SAMD10: variants seen among roughly 807,000 people sequenced by gnomAD.
The protein encoded by SAMD10 is sterile alpha motif domain-containing protein 10.
In SAMD10, 16 loss-of-function variants were observed where a neutral mutation model predicts 22.5. That is an observed-to-expected ratio of 0.71 (90% CI 0.48 to 1.08). The LOEUF is 1.08. Among genes scored for constraint, SAMD10 ranks in the 50% least tolerant of loss-of-function variants. SAMD10 has a pLI of 0.00. For synonymous variants in SAMD10, 118 were observed against 122.2 expected (o/e 0.97, Z 0.23); for missense variants, 227 against 281.3 (o/e 0.81, Z 1.38).
chr20:63,978,900 C>T (rs1243496736), intron 1 of SAMD10, among the ~76,000 whole-genome samples: 2 of 152,190 alleles, frequency 1.3e-5, no homozygotes, highest in African/African-American at 4.8e-5. Context: ...CGGCACCTGC[C>T]CCGGCCAAGC....
In SAMD10 at chr20:63,977,085, G is replaced by A; in HGVS notation, c.331C>T (p.Leu111=). 6.2e-7 allele frequency: 1 copy of A among 1,614,152 alleles called. No individual in the cohort carries two copies. Among genetic ancestry groups the A allele is most frequent in the Non-Finnish European group, 8.5e-7 (1 of 1,180,028 alleles). Residue 111 remains leucine, a synonymous_variant, in exon 3 of 5, where the codon CTG becomes TTG. Transcript: ENST00000369886. This position sits in a 1 kb window ranked among gnomAD's most constrained non-coding sequence, Gnocchi z 5.4. ...LYHTSPSLGG[L]TRPVVLWSQQ... ...CTCCACAGGACCACGGGCCGGGTCAGGCCACCCAGCGAGGGGCTTGTATGG... is the reference window on the plus strand; with the variant it reads ...CTCCACAGGACCACGGGCCGGGTCAAGCCACCCAGCGAGGGGCTTGTATGG...
At chr20:63,975,882 G>A (rs1195342824) in intron 3 of SAMD10, 50 bp from the exon 4 acceptor site, 2 of 1,496,574 alleles carry the variant, frequency 1.3e-6, no homozygotes, top group African/African-American at 1.4e-5. Flanking sequence ...GGCATCAAGA[G>A]CCAAGGCAAG....
In SAMD10 at chr20:63,975,224, C is replaced by G. The variant is rs1370894832; in HGVS notation, c.*286G>C. ...CCAAACCGGTTCTGGCTCCAGGCAG[C>G]TGCCCCACATGCTGCCAGCTGCACC... is the stretch of plus-strand genomic sequence containing the variant. On this transcript the variant is annotated 3_prime_UTR_variant, in exon 5 of 5. Transcript: ENST00000369886. The G allele has an allele frequency of 2.0e-6, 1 of 505,000 alleles. No individual in the cohort carries two copies. Among genetic ancestry groups the G allele is most frequent in the Admixed American group, 4.0e-5 (1 of 25,126 alleles). The allele number at this position is 505,000 out of a possible 1,614,324, so 31.3% of individuals were successfully genotyped here. A position where few individuals can be genotyped will look rare whatever the true frequency, so the allele number is the denominator to read the frequency against.
intron 3 of SAMD10, among the ~76,000 whole-genome samples, chr20:63,976,101 A>G (rs2059020401): frequency 1.3e-5 from 2 of 152,280 alleles, no homozygotes; most frequent in Admixed American, 1.3e-4. Flanking sequence ...TGAACCTGGG[A>G]GGTGGAGGTT....
At chr20:63,978,949 T>C (rs2059043417) in intron 1 of SAMD10, among the ~76,000 whole-genome samples, 1 of 151,988 alleles carries the variant, frequency 6.6e-6, no homozygotes, top group Non-Finnish European at 1.5e-5. Context: ...CCGGAGGGAG[T>C]TCCGTCCGTC....
chr20:63,975,581 T>A (rs1228616800), intron 4 of SAMD10, 49 bp from the exon 5 acceptor site: 13 of 1,590,292 alleles, frequency 8.2e-6, no homozygotes, highest in Non-Finnish European at 8.5e-7. Context: ...TGGCATCATC[T>A]GCATTAGGGC....
Position 63,977,484 on chromosome 20 carries a change from CCCATCT to C in SAMD10, c.92-84_92-79del, listed in dbSNP as rs2059033187. ...CTCTACTTGAGAGCTAGCTCCCTGC[CCCATCT>C]CCTCCACACTAGTGCGGGAAATCAC... On this transcript the variant is annotated intron_variant, in intron 1 of 4. Transcript: ENST00000369886. The surrounding 1 kb of genome is among the most constrained non-coding windows in gnomAD (Gnocchi z 5.4). 3 of 1,416,122 alleles carry C rather than the reference CCCATCT, an allele frequency of 2.1e-6. No homozygotes were observed. The highest frequency in any genetic ancestry group is 2.9e-6 in the Non-Finnish European group (3 of 1,025,172). 87.7% of individuals were successfully genotyped at this position (1,416,122 alleles called of 1,614,324 possible).
rs2059034277 is a variant in SAMD10, at chr20:63,977,607, C to G, written c.92-201G>C. ...CTCACCCAGCACAAAAAGAGAAGAA[C>G]TGGAAACACCTTTCATCTTGCAAGT... On this transcript the variant is annotated intron_variant, in intron 1 of 4. Transcript: ENST00000369886. The surrounding 1 kb of genome is among the most constrained non-coding windows in gnomAD (Gnocchi z 5.4). Among the ~76,000 whole-genome samples, 1 of 152,240 alleles carries G rather than the reference C, an allele frequency of 6.6e-6. No individual in the cohort carries two copies. Among genetic ancestry groups the G allele is most frequent in the Non-Finnish European group, 1.5e-5 (1 of 68,044 alleles).
Position 63,976,970 on chromosome 20 carries a change from C to T in SAMD10, c.445+1G>A. 1 of 1,613,976 alleles carries T rather than the reference C, an allele frequency of 6.2e-7. No individual in the cohort carries two copies. The highest frequency in any genetic ancestry group is 8.5e-7 in the Non-Finnish European group (1 of 1,179,946). On this transcript the variant is annotated splice_donor_variant, in intron 3 of 4. Transcript: ENST00000369886. LOFTEE classifies it high-confidence loss of function. ...CCACAGCACCCTCAGCGCCACTGTA[C>T]CGGTGATGGCATGCTGGGAGAAGGC... is the stretch of plus-strand genomic sequence containing the variant.
At chr20:63,978,718 TGG>T (rs764987209) in intron 1 of SAMD10, among the ~76,000 whole-genome samples, 3 of 152,212 alleles carry the variant, frequency 2.0e-5, no homozygotes, top group Non-Finnish European at 2.9e-5. Flanking sequence ...GTGTGCTCAG[TGG>T]GCCACCGCCC....
rs2059045566 is a variant in SAMD10, at chr20:63,979,201, C to T, written c.91+176G>A. Among the ~76,000 whole-genome samples, 1 of 152,076 alleles carries T rather than the reference C, an allele frequency of 6.6e-6. No individual in the cohort carries two copies. Among genetic ancestry groups the T allele is most frequent in the African/African-American group, 2.4e-5 (1 of 41,430 alleles). ...GCGCGCTGACCCCCAAGGCCTGAGG[C>T]TGGCTGCCCCCTAAAGCAGGACAAA... On this transcript the variant is annotated intron_variant, in intron 1 of 4. Coordinates refer to ENST00000369886, the MANE Select transcript of SAMD10 (RefSeq NM_080621.5). This position sits in a 1 kb window ranked among gnomAD's most constrained non-coding sequence, Gnocchi z 7.7.
At chr20:63,979,697 C>T, upstream of SAMD10, 1 of 985,224 alleles carries the variant, frequency 1.0e-6, no homozygotes. This position sits in a 1 kb window ranked among gnomAD's most constrained non-coding sequence, Gnocchi z 7.7. Context: ...GGCCTGCGTG[C>T]ACCAAGGCTG....
chr20:63,979,322 G>A lies in SAMD10; in HGVS notation c.91+55C>T. 7.6e-7 allele frequency: 1 copy of A among 1,320,884 alleles called. No individual in the cohort carries two copies. Among genetic ancestry groups the A allele is most frequent in the South Asian group, 1.5e-5 (1 of 68,792 alleles). 81.8% of individuals were successfully genotyped at this position (1,320,884 alleles called of 1,614,324 possible). A position where few individuals can be genotyped will look rare whatever the true frequency, so the allele number is the denominator to read the frequency against. On this transcript the variant is annotated intron_variant, in intron 1 of 4. Transcript: ENST00000369886. This position sits in a 1 kb window ranked among gnomAD's most constrained non-coding sequence, Gnocchi z 7.7. ...GTCCCGCCCCGCCCCCGTGCCTCTG[G>A]GTCCCTGAGACCCCCGCCCGAGAAA...
intron 1 of SAMD10, chr20:63,978,117 G>T: frequency 2.6e-6 from 1 of 390,120 alleles, no homozygotes; most frequent in Admixed American, 3.1e-5. Context: ...GGGCGGGTCA[G>T]CACAGGTATG....
At position 63,975,392 on chromosome 20, in the gene SAMD10, G is replaced by T; in HGVS notation, c.*118C>A. 3.0e-6 allele frequency: 4 copies of T among 1,318,660 alleles called. No individual in the cohort carries two copies. In the South Asian group the frequency reaches 3.7e-5, roughly 12 times the overall value. The allele number at this position is 1,318,660 out of a possible 1,614,324, so 81.7% of individuals were successfully genotyped here. ...CTGGTCCTGTCTGTCCGTTGGGCCA[G>T]CCTGGCCGCCCCGGCATCCCGCAGG... On this transcript the variant is annotated 3_prime_UTR_variant, in exon 5 of 5. Transcript: ENST00000369886.
At chr20:63,976,764 CAAAAAAAAAAAAAAAA>C (rs60461303) in intron 3 of SAMD10, among the ~76,000 whole-genome samples, 191 bp downstream of exon 3, 2 of 63,896 alleles carry the variant, frequency 3.1e-5, no homozygotes, top group Non-Finnish European at 5.3e-5. Flanking sequence ...TCTGTCTCAC[CAAAAAAAAAAAAAAAA>C]AAAAAAAAAA....
rs1179214958 is a variant in SAMD10 at position 63,977,856 on chromosome 20, C to T, written c.92-450G>A. 6.6e-6 allele frequency among the ~76,000 whole-genome samples: 1 copy of T among 152,258 alleles called. No homozygotes were observed. Among genetic ancestry groups the T allele is most frequent in the Non-Finnish European group, 1.5e-5 (1 of 68,040 alleles). ...CAGATCCCGAGTCCGGGGAGGTCGT[C>T]TGTGCTGGGGAAACCGGGCTGAGGA... On this transcript the variant is annotated intron_variant, in intron 1 of 4. Coordinates refer to ENST00000369886, the MANE Select transcript of SAMD10 (RefSeq NM_080621.5). The surrounding 1 kb of genome is among the most constrained non-coding windows in gnomAD (Gnocchi z 5.4).
At position 63,977,561 on chromosome 20, in the gene SAMD10, TG is replaced by T. The variant is rs1377135173; in HGVS notation, c.92-156del. Among the ~76,000 whole-genome samples the T allele has an allele frequency of 6.6e-6, 1 of 152,144 alleles. No individual in the cohort carries two copies. The highest frequency in any genetic ancestry group is 2.4e-5 in the African/African-American group (1 of 41,428). ...AAGCCTCCAAAGGCAGAAGGAAGTG[TG>T]CAGGACCTGTTTCGAGGACCTCACC... On this transcript the variant is annotated intron_variant, in intron 1 of 4. Transcript: ENST00000369886. The surrounding 1 kb of genome is among the most constrained non-coding windows in gnomAD (Gnocchi z 5.4).
intron 3 of SAMD10, among the ~76,000 whole-genome samples, 198 bp downstream of exon 3, chr20:63,976,764 CAAAAAAAAA>C (rs60461303): frequency 1.4e-4 from 9 of 63,898 alleles, no homozygotes; most frequent in East Asian, 5.5e-4. Flanking sequence ...TCTGTCTCAC[CAAAAAAAAA>C]AAAAAAAAAA....
Sources: allele counts gnomAD v4.1 joint callset (sites outside exome capture counted in the v4.1 genomes callset), GRCh38; gene constraint gnomAD v4.1.1; non-coding constraint Gnocchi (gnomAD v3.1); transcripts MANE v1.5; gene names NCBI Gene and HGNC (gene_info 2026-07-23, HGNC 2026-07-21).